Variants in EYS observed in about 807,000 individuals in gnomAD.
EYS encodes protein eyes shut homolog.
Under a neutral mutation model 282.1 loss-of-function variants are expected in EYS, and 250 were observed. The ratio of observed to expected loss-of-function variants is 0.89; its 90% CI spans 0.80 to 0.98. The LOEUF is 0.98. Among genes scored for constraint, EYS ranks in the 50% least tolerant of loss-of-function variants. The pLI is 0.00. For synonymous variants in EYS, 1,355 were observed against 1,282.9 expected (o/e 1.06, Z -1.20); for missense variants, 4,016 against 3,709.0 (o/e 1.08, Z -2.15).
At chr6:63,825,778 C>T (rs907196626) in intron 36 of EYS, among the ~76,000 whole-genome samples, 2 of 152,160 alleles carry the variant, frequency 1.3e-5, no homozygotes, top group Non-Finnish European at 2.9e-5. Flanking sequence ...TCTGACAGAG[C>T]CCACCCAAAT....
At chr6:65,560,616 CCAAAGG>C (rs1769016900) in intron 2 of EYS, among the ~76,000 whole-genome samples, 1 of 151,402 alleles carries the variant, frequency 6.6e-6, no homozygotes, top group African/African-American at 2.4e-5. Flanking sequence ...TCTCTGCCAT[CCAAAGG>C]CAGACATAAT....
At chr6:65,502,606 T>G (rs1317417096) in intron 2 of EYS, among the ~76,000 whole-genome samples, 1 of 151,680 alleles carries the variant, frequency 6.6e-6, no homozygotes, top group East Asian at 1.9e-4. Context: ...TTTTTTACAT[T>G]ATGTTCCCTT....
chr6:64,212,704 A>AT (rs1765816195), intron 31 of EYS, among the ~76,000 whole-genome samples: 1 of 152,024 alleles, frequency 6.6e-6, no homozygotes, highest in Admixed American at 6.6e-5. Context: ...CAGTGTGACT[A>AT]TTTTTCAAAG....
chr6:65,115,929 A>T (rs1293700177), intron 12 of EYS, among the ~76,000 whole-genome samples: 1 of 150,240 alleles, frequency 6.7e-6, no homozygotes, highest in Non-Finnish European at 1.5e-5. Flanking sequence ...ACTTCTCTCA[A>T]TGAAATAACT....
chr6:65,150,098 C>T (rs1764575552), intron 12 of EYS, among the ~76,000 whole-genome samples: 2 of 152,110 alleles, frequency 1.3e-5, no homozygotes, highest in Non-Finnish European at 2.9e-5. Flanking sequence ...GGGTCCTTCC[C>T]ATGACACATG....
At chr6:65,085,409 T>C (rs1385995423) in intron 12 of EYS, among the ~76,000 whole-genome samples, 7 of 152,144 alleles carry the variant, frequency 4.6e-5, no homozygotes, top group Admixed American at 2.6e-4. Flanking sequence ...GGAAAGAACA[T>C]CTGTAGTCCC....
intron 29 of EYS, among the ~76,000 whole-genome samples, chr6:64,320,576 A>AT (rs1770177670): frequency 6.6e-6 from 1 of 150,544 alleles, no homozygotes; most frequent in Admixed American, 6.6e-5. Flanking sequence ...TTTAGTTTCC[A>AT]TTTTTCTCCT....
intron 1 of EYS, among the ~76,000 whole-genome samples, chr6:65,678,162 CTT>C (rs1303921245): frequency 6.6e-6 from 1 of 151,846 alleles, no homozygotes; most frequent in East Asian, 2.0e-4. Context: ...GTACCACGCT[CTT>C]TTAAACAACT....
chr6:64,648,063 A>T (rs1399561797), intron 22 of EYS, among the ~76,000 whole-genome samples: 1 of 152,192 alleles, frequency 6.6e-6, no homozygotes, highest in African/African-American at 2.4e-5. Context: ...TGATTAATTA[A>T]TCATGTATTT....
chr6:63,760,646 GTA>G lies in EYS; in HGVS notation c.8071+1813_8071+1814del, dbSNP rs1477461809. Among the ~76,000 whole-genome samples the G allele has an allele frequency of 1.8e-3, 228 of 128,166 alleles. 2 individuals carry two copies. Among genetic ancestry groups the G allele is most frequent in the African/African-American group, 6.2e-3 (213 of 34,258 alleles). 84.1% of individuals were successfully genotyped at this position (128,166 alleles called of 152,430 possible). A position where few individuals can be genotyped will look rare whatever the true frequency, so the allele number is the denominator to read the frequency against. ...TCTATGTACATATGTATGTATGTAT[GTA>G]TATCTATCTATCTATCTATCTATCT... On this transcript the variant is annotated intron_variant, in intron 41 of 42. Coordinates refer to ENST00000503581, the MANE Select transcript of EYS (RefSeq NM_001142800.2).
intron 19 of EYS, among the ~76,000 whole-genome samples, chr6:64,829,777 G>A (rs954157694): frequency 2.6e-5 from 4 of 151,830 alleles, no homozygotes; most frequent in Admixed American, 6.6e-5. Flanking sequence ...ATGGAATTGG[G>A]AACCAGGGGG....
intron 12 of EYS, among the ~76,000 whole-genome samples, chr6:65,136,396 G>T (rs561337613): frequency 6.6e-6 from 1 of 151,702 alleles, no homozygotes; most frequent in Non-Finnish European, 1.5e-5. Flanking sequence ...ATCATATTAC[G>T]ATCACTTTTT....
chr6:64,420,970 CCT>C (rs1384477460), intron 28 of EYS, among the ~76,000 whole-genome samples: 1 of 152,120 alleles, frequency 6.6e-6, no homozygotes, highest in African/African-American at 2.4e-5. Flanking sequence ...TCACCCTCTC[CCT>C]GTTACTCAGC....
At chr6:64,775,333 A>G (rs530437045) in intron 22 of EYS, among the ~76,000 whole-genome samples, 1 of 151,912 alleles carries the variant, frequency 6.6e-6, no homozygotes, top group Non-Finnish European at 1.5e-5. Context: ...CATATAGTTA[A>G]TTTTTGACAT....
chr6:65,406,105 T>A (rs991649835), intron 5 of EYS, among the ~76,000 whole-genome samples: 3 of 152,120 alleles, frequency 2.0e-5, no homozygotes, highest in Non-Finnish European at 4.4e-5. Context: ...TTCTTTATTA[T>A]AGTCATTCTA....
At chr6:64,769,342 A>G (rs1164729897) in intron 22 of EYS, among the ~76,000 whole-genome samples, 1 of 152,112 alleles carries the variant, frequency 6.6e-6, no homozygotes, top group East Asian at 1.9e-4. Flanking sequence ...GAAATAAATG[A>G]GCACAGCTGT....
At chr6:63,852,390 TA>T (rs764370217) in intron 36 of EYS, among the ~76,000 whole-genome samples, 19 of 152,026 alleles carry the variant, frequency 1.2e-4, no homozygotes, top group Non-Finnish European at 2.2e-4. Flanking sequence ...AAGAAATTGA[TA>T]AATTCCTGGA....
chr6:64,501,389 A>T (rs1007624061), intron 26 of EYS, among the ~76,000 whole-genome samples: 1 of 152,068 alleles, frequency 6.6e-6, no homozygotes, highest in African/African-American at 2.4e-5. Context: ...AAAAAACGTT[A>T]TGGCTTCTTT....
At chr6:65,108,169 G>T (rs1486599401) in intron 12 of EYS, among the ~76,000 whole-genome samples, 3 of 144,562 alleles carry the variant, frequency 2.1e-5, no homozygotes, top group Non-Finnish European at 4.5e-5. Context: ...ACTTCTTTTT[G>T]ACTTTCTTGT....
Sources: gnomAD v4.1 joint callset for allele counts (sites outside exome capture counted in the v4.1 genomes callset) on GRCh38, gnomAD v4.1.1 for gene constraint, MANE v1.5 for transcripts, NCBI Gene and HGNC (gene_info 2026-07-23, HGNC 2026-07-21) for gene names.